Variants in CACNA2D1 observed in about 807,000 individuals in gnomAD.
CACNA2D1 encodes voltage-dependent calcium channel subunit alpha-2/delta-1.
CACNA2D1 carries 53 observed loss-of-function variants against 171.5 expected under a neutral mutation model. The ratio of observed to expected loss-of-function variants is 0.31; its 90% CI spans 0.25 to 0.39. CACNA2D1 has a LOEUF of 0.39. CACNA2D1 is among the 10% of genes least tolerant of loss of function. The probability of loss-of-function intolerance (pLI) is 1.00; values close to 1 mark genes in which losing one functional copy is unlikely to be tolerated. For missense variants in CACNA2D1, 903 were observed against 1,299.8 expected (o/e 0.69, Z 4.69); for synonymous variants, 442 against 443.1 (o/e 1.00, Z 0.03).
At chr7:82,288,422 T>TACACACACACACACAC (rs3054677) in intron 3 of CACNA2D1, among the ~76,000 whole-genome samples, 1 of 147,274 alleles carries the variant, frequency 6.8e-6, no homozygotes, top group Non-Finnish European at 1.5e-5. Context: ...TTTGCTTCTA[T>TACACACACACACACAC]ACACACACAC....
At chr7:82,162,607 A>C (rs1795061483) in intron 4 of CACNA2D1, among the ~76,000 whole-genome samples, 1 of 151,538 alleles carries the variant, frequency 6.6e-6, no homozygotes, top group South Asian at 2.1e-4. Context: ...AATGTAGATG[A>C]ATATTCTTTA....
chr7:82,295,731 T>G (rs73374397), intron 3 of CACNA2D1, among the ~76,000 whole-genome samples: 1 of 149,930 alleles, frequency 6.7e-6, no homozygotes, highest in Admixed American at 6.6e-5. Flanking sequence ...AAAAAAAAAG[T>G]GTGAGGATAC....
At chr7:82,030,510 CTT>C (rs1161839472) in intron 12 of CACNA2D1, among the ~76,000 whole-genome samples, 5 of 151,484 alleles carry the variant, frequency 3.3e-5, no homozygotes. Context: ...CCTTTATACT[CTT>C]TTAAAATCGG....
intron 8 of CACNA2D1, among the ~76,000 whole-genome samples, chr7:82,066,226 T>C (rs999760288): frequency 7.9e-5 from 12 of 152,100 alleles, no homozygotes; most frequent in African/African-American, 1.4e-4. Flanking sequence ...AAACTTAAAG[T>C]AGTCCATTTG....
chr7:82,008,309 C>T (rs1209894044), intron 15 of CACNA2D1, among the ~76,000 whole-genome samples: 1 of 152,086 alleles, frequency 6.6e-6, no homozygotes, highest in Non-Finnish European at 1.5e-5. Flanking sequence ...ATGTTACGCT[C>T]TTCAGAAGCA....
chr7:82,316,648 C>T (rs968164710), intron 3 of CACNA2D1, among the ~76,000 whole-genome samples: 1 of 152,132 alleles, frequency 6.6e-6, no homozygotes, highest in Non-Finnish European at 1.5e-5. Flanking sequence ...TCTCATGCTC[C>T]TAATAAAGAC....
chr7:82,352,961 A>G (rs1403286497), intron 1 of CACNA2D1, among the ~76,000 whole-genome samples: 1 of 152,188 alleles, frequency 6.6e-6, no homozygotes, highest in Non-Finnish European at 1.5e-5. Context: ...ACGATTCTGA[A>G]ACATTTAGGT....
intron 38 of CACNA2D1, among the ~76,000 whole-genome samples, chr7:81,953,557 TA>T (rs35236970): frequency 2.2e-4 from 33 of 149,400 alleles, no homozygotes; most frequent in African/African-American, 3.9e-4. Flanking sequence ...AATATCAGAT[TA>T]AAAAAAAAAC....
chr7:82,261,170 G>T (rs945288298), intron 3 of CACNA2D1, among the ~76,000 whole-genome samples: 2 of 152,172 alleles, frequency 1.3e-5, no homozygotes, highest in Non-Finnish European at 2.9e-5. Context: ...GGCCAGGCTG[G>T]TCTTGAACTC....
intron 10 of CACNA2D1, among the ~76,000 whole-genome samples, chr7:82,055,402 C>T (rs562929796): frequency 1.3e-5 from 2 of 152,128 alleles, no homozygotes; most frequent in South Asian, 4.2e-4. Flanking sequence ...ACCCAGCCAT[C>T]CCATTACTGG....
chr7:82,252,328 T>A (rs1805740713), intron 3 of CACNA2D1, among the ~76,000 whole-genome samples: 1 of 152,190 alleles, frequency 6.6e-6, no homozygotes, highest in African/African-American at 2.4e-5. Context: ...AGAGGTGAAG[T>A]TACTTGCCTT....
In CACNA2D1 at chr7:82,434,657, G is replaced by C. The variant is rs186765270; in HGVS notation, c.95+8708C>G. 3.9e-5 allele frequency among the ~76,000 whole-genome samples: 6 copies of C among 152,172 alleles called. No homozygotes were observed. In the East Asian group the frequency reaches 9.7e-4, roughly 25 times the overall value. On this transcript the variant is annotated intron_variant, in intron 1 of 38. Transcript: ENST00000356860. Reference sequence around the variant, plus strand: ...TTCTGTTCCTGTGTTAGTTTGCTAAGGATAATGTCTTCCTCTGAATTTACT... The same window carrying C: ...TTCTGTTCCTGTGTTAGTTTGCTAACGATAATGTCTTCCTCTGAATTTACT...
In CACNA2D1 at chr7:82,146,491, T is replaced by C. The variant is rs183402756; in HGVS notation, c.355-9815A>G. ...ATATATCTTTATATATACATATTTA[T>C]ATTTATATATATATAAAGATATATA... On this transcript the variant is annotated intron_variant, in intron 4 of 38. Coordinates refer to ENST00000356860, the MANE Select transcript of CACNA2D1 (RefSeq NM_000722.4). Among the ~76,000 whole-genome samples the C allele has an allele frequency of 4.1e-3, 578 of 142,432 alleles. 3 individuals carry two copies. Among genetic ancestry groups the C allele is most frequent in the African/African-American group, 0.014 (546 of 38,624 alleles). 93.4% of individuals were successfully genotyped at this position (142,432 alleles called of 152,430 possible).
intron 6 of CACNA2D1, among the ~76,000 whole-genome samples, chr7:82,100,491 T>C (rs1812545603): frequency 1.4e-5 from 2 of 145,438 alleles, no homozygotes; most frequent in Admixed American, 1.3e-4. Context: ...GGATGTTATT[T>C]GTTATGTCCA....
At chr7:81,950,537 GA>G in intron 38 of CACNA2D1, 29 bp from the exon 39 acceptor site, 4 of 1,585,908 alleles carry the variant, frequency 2.5e-6, no homozygotes, top group Non-Finnish European at 3.4e-6. Context: ...GAAAAGAACA[GA>G]AAAAGAAAAA....
intron 1 of CACNA2D1, among the ~76,000 whole-genome samples, chr7:82,424,673 C>T (rs920781852): frequency 6.6e-6 from 1 of 152,152 alleles, no homozygotes; most frequent in Non-Finnish European, 1.5e-5. Flanking sequence ...TAAACCATAG[C>T]AAAGAGAATT....
chr7:82,159,897 G>A (rs1274703933), intron 4 of CACNA2D1, among the ~76,000 whole-genome samples: 4 of 101,660 alleles, frequency 3.9e-5, no homozygotes, highest in Admixed American at 1.2e-4. Flanking sequence ...CTCAATTAAC[G>A]TGATGTTCCT....
chr7:82,331,310 A>C (rs42056), intron 3 of CACNA2D1, among the ~76,000 whole-genome samples: 43,348 of 152,002 alleles, frequency 0.29, 7,309 homozygotes, highest in East Asian at 0.48. Flanking sequence ...ATTTACCTAT[A>C]AAATTACATT....
intron 3 of CACNA2D1, among the ~76,000 whole-genome samples, chr7:82,289,220 T>C (rs1475884716): frequency 6.6e-6 from 1 of 152,152 alleles, no homozygotes; most frequent in Non-Finnish European, 1.5e-5. Context: ...CACATTTAAA[T>C]ATACCCCCCA....
Sources: gnomAD v4.1 joint callset for allele counts (sites outside exome capture counted in the v4.1 genomes callset) on GRCh38, gnomAD v4.1.1 for gene constraint, MANE v1.5 for transcripts, NCBI Gene and HGNC (gene_info 2026-07-23, HGNC 2026-07-21) for gene names.